The following TDRP variants were observed in gnomAD, a reference collection of about 807,000 sequenced individuals.
TDRP encodes testis development-related protein.
In TDRP, 12 loss-of-function variants were observed where a neutral mutation model predicts 10.5. That is an observed-to-expected ratio of 1.15 (90% CI 0.73 to 1.86). TDRP has a LOEUF of 1.86. Ranked by LOEUF, TDRP falls within the 40% of genes most tolerant of loss-of-function variation. TDRP has a pLI of 0.00. For synonymous variants in TDRP, 139 were observed against 95.4 expected, an observed-to-expected ratio of 1.46 and a Z score of -2.67; for missense variants, 353 against 229.2, an observed-to-expected ratio of 1.54 and a Z score of -3.49.
At chr8:516,710 AAC>A (rs1292967007) in intron 1 of TDRP, among the ~76,000 whole-genome samples, 1 of 152,110 alleles carries the variant, frequency 6.6e-6, no homozygotes, top group Non-Finnish European at 1.5e-5. Context: ...TATAAAACTA[AAC>A]ACTCTCACCA....
chr8:526,189 G>C lies in TDRP; in HGVS notation c.108+18461C>G, dbSNP rs965160200. 4.0e-4 allele frequency among the ~76,000 whole-genome samples: 61 copies of C among 152,096 alleles called. 5 individuals are homozygous for C. Among genetic ancestry groups the C allele is most frequent in the Non-Finnish European group, 1.5e-5 (1 of 68,022 alleles). Reference sequence around the variant, plus strand: ...ATTTTTGTATTTTTAGTAGAGACAGGGTTTCGCTAGGTTGGCCAGGCTGGT... The same window carrying C: ...ATTTTTGTATTTTTAGTAGAGACAGCGTTTCGCTAGGTTGGCCAGGCTGGT... On this transcript the variant is annotated intron_variant, in intron 1 of 2. Coordinates refer to ENST00000324079, the MANE Select transcript of TDRP (RefSeq NM_001384899.1).
chr8:536,166 C>G (rs914017869), intron 1 of TDRP, among the ~76,000 whole-genome samples: 2 of 152,158 alleles, frequency 1.3e-5, no homozygotes, highest in Non-Finnish European at 2.9e-5. Flanking sequence ...TATTTAAGCC[C>G]TCATCATTCT....
At chr8:513,899 T>C (rs1303136120) in intron 1 of TDRP, among the ~76,000 whole-genome samples, 3 of 152,184 alleles carry the variant, frequency 2.0e-5, no homozygotes, top group African/African-American at 2.4e-5. Context: ...CCAGTTACAA[T>C]TACATCAAAA....
chr8:493,556 A>G (rs545742245), intron 2 of TDRP, among the ~76,000 whole-genome samples: 18 of 152,372 alleles, frequency 1.2e-4, no homozygotes, highest in Admixed American at 9.1e-4. Context: ...ACCAGGACTC[A>G]TCTTCTAATC....
intron 1 of TDRP, among the ~76,000 whole-genome samples, chr8:497,619 G>A (rs1444642856): frequency 6.6e-6 from 1 of 152,178 alleles, no homozygotes. Flanking sequence ...ACCCTTTCTG[G>A]GAAGAAATTC....
In TDRP at chr8:527,634, T is replaced by A. The variant is rs942233604; in HGVS notation, c.108+17016A>T. ...ACAGTGAAGTCATTTTTTACAAAGA[T>A]ACCAAGAACATACATTGGGAAAAGG... On this transcript the variant is annotated intron_variant, in intron 1 of 2. Coordinates refer to ENST00000324079, the MANE Select transcript of TDRP (RefSeq NM_001384899.1). Among the ~76,000 whole-genome samples the A allele has an allele frequency of 2.6e-5, 4 of 152,086 alleles. No individual in the cohort carries two copies. In the South Asian group the frequency reaches 8.3e-4, roughly 32 times the overall value.
At chr8:516,272 G>A (rs1563124473) in intron 1 of TDRP, among the ~76,000 whole-genome samples, 1 of 152,110 alleles carries the variant, frequency 6.6e-6, no homozygotes, top group Non-Finnish European at 1.5e-5. Flanking sequence ...TTGGGACTAT[G>A]GCGTGTCCCT....
chr8:512,308 C>A (rs551086184), intron 1 of TDRP, among the ~76,000 whole-genome samples: 1 of 152,122 alleles, frequency 6.6e-6, no homozygotes, highest in East Asian at 1.9e-4. Context: ...TGGCACACAC[C>A]TGTAGTGCCA....
chr8:501,017 T>C lies in TDRP; in HGVS notation c.109-6420A>G, dbSNP rs373937050. On this transcript the variant is annotated intron_variant, in intron 1 of 2. Transcript: ENST00000324079. ...GTCAGGAGATCGAGACCATCCTGGC[T>C]AACACGGTGAAACCCCGTCTCTACT... Among the ~76,000 whole-genome samples the C allele has an allele frequency of 2.0e-4, 30 of 152,160 alleles. No homozygotes were observed. In the South Asian group the frequency reaches 2.7e-3, roughly 14 times the overall value.
At position 492,651 on chromosome 8, in the gene TDRP, T is replaced by A; in HGVS notation, c.306A>T (p.Lys102Asn). 1 of 1,613,994 alleles carries A rather than the reference T, an allele frequency of 6.2e-7. No individual in the cohort carries two copies. The highest frequency in any genetic ancestry group is 8.5e-7 in the Non-Finnish European group (1 of 1,179,882). ...GCTCCCAACCTTCAATTTCATCTGG[T>A]TTTTTAGACTGTATATTCTGTTTTA... ...LVLKQNIQSK[K>N]PDEIEGWEPP... The change falls in exon 3 of 3, where the codon AAA becomes AAT. Residue 102 changes from lysine to asparagine, a missense_variant. Lys to Asn is a moderately conservative substitution (Grantham distance 94). Transcript: ENST00000324079.
At chr8:498,567 C>T (rs1255660836) in intron 1 of TDRP, among the ~76,000 whole-genome samples, 1 of 152,134 alleles carries the variant, frequency 6.6e-6, no homozygotes, top group Non-Finnish European at 1.5e-5. Context: ...AGACTACTTA[C>T]CTTGTCTCAG....
chr8:509,272 G>A (rs948071453), intron 1 of TDRP, among the ~76,000 whole-genome samples: 3 of 152,230 alleles, frequency 2.0e-5, no homozygotes, highest in Non-Finnish European at 4.4e-5. Context: ...CAGTGCCCCA[G>A]AGGGGACTCT....
intron 1 of TDRP, among the ~76,000 whole-genome samples, chr8:509,936 G>A (rs777023497): frequency 6.6e-6 from 1 of 152,168 alleles, no homozygotes; most frequent in African/African-American, 2.4e-5. Context: ...AACTGCTTGG[G>A]GCAAACCTGA....
chr8:537,925 T>A (rs1012624505), intron 1 of TDRP, among the ~76,000 whole-genome samples: 8 of 152,258 alleles, frequency 5.3e-5, no homozygotes, highest in African/African-American at 1.9e-4. Context: ...CTATGATGTG[T>A]CCCATCCTAG....
At position 544,563 on chromosome 8, in the gene TDRP, C is replaced by T; in HGVS notation, c.108+87G>A. 8 of 954,364 alleles carry T rather than the reference C, an allele frequency of 8.4e-6. No individual in the cohort carries two copies. The South Asian group carries it at 1.5e-4, about 18-fold the overall frequency. The allele number at this position is 954,364 out of a possible 1,614,324, so 59.1% of individuals were successfully genotyped here. ...CGCCCAAACTGTGCCCCCAACTACCCGCACCTCCACCTGCGCGCCGCCCAC... is the reference window on the plus strand; with the variant it reads ...CGCCCAAACTGTGCCCCCAACTACCTGCACCTCCACCTGCGCGCCGCCCAC... On this transcript the variant is annotated intron_variant, in intron 1 of 2. Transcript: ENST00000324079.
intron 1 of TDRP, among the ~76,000 whole-genome samples, chr8:538,118 G>A (rs1381135954): frequency 6.6e-6 from 1 of 152,226 alleles, no homozygotes; most frequent in Non-Finnish European, 1.5e-5. Context: ...CAATAGAGGA[G>A]AGGTTTGGTT....
In TDRP at chr8:492,556, G is replaced by C; in HGVS notation, c.401C>G (p.Ser134Ter). 1 of 1,612,834 alleles carries C rather than the reference G, an allele frequency of 6.2e-7. No homozygotes were observed. ...EDTVGGHPSWSGWEDDAKGST... is the reference protein window; with the variant it reads ...EDTVGGHPSW The stretch of plus-strand genomic sequence containing the variant: ...GCCCTTGGCGTCATCCTCCCAGCCT[G>C]ACCAGGATGGGTGGCCACCCACGGT... Residue 134 changes from serine to a stop codon, truncating the protein, a stop_gained, in exon 3 of 3, where the codon TCA becomes TGA. Transcript: ENST00000324079. LOFTEE classifies it low-confidence loss of function (END_TRUNC).
intron 1 of TDRP, among the ~76,000 whole-genome samples, chr8:523,588 T>A (rs1420942593): frequency 6.6e-6 from 1 of 152,212 alleles, no homozygotes; most frequent in African/African-American, 2.4e-5. Context: ...GGATATGTCC[T>A]AGGCCTTGCA....
chr8:530,890 T>G (rs1802173590), intron 1 of TDRP, among the ~76,000 whole-genome samples: 2 of 152,202 alleles, frequency 1.3e-5, no homozygotes. Flanking sequence ...CTCTCCTGAC[T>G]GTGCTGAGCT....
Sources: allele counts gnomAD v4.1 joint callset (sites outside exome capture counted in the v4.1 genomes callset), GRCh38; gene constraint gnomAD v4.1.1; transcripts MANE v1.5; gene names NCBI Gene and HGNC (gene_info 2026-07-23, HGNC 2026-07-21).